The following XRN1 variants were observed in gnomAD, a reference collection of about 807,000 sequenced individuals.
XRN1 encodes the protein strand-exchange protein 1 homolog.
In XRN1, 67 loss-of-function variants were observed where a neutral mutation model predicts 222.3. That is an observed-to-expected ratio of 0.30 (90% confidence interval 0.25 to 0.37). XRN1 has a LOEUF of 0.37. XRN1 is among the 10% of genes least tolerant of loss of function. The pLI, the probability that XRN1 is intolerant of heterozygous loss-of-function variation, is 1.00. For synonymous variants in XRN1, 643 were observed against 652.4 expected, an observed-to-expected ratio of 0.99 and a Z score of 0.22; for missense variants, 1,707 against 2,000.2, an observed-to-expected ratio of 0.85 and a Z score of 2.80.
At chr3:142,361,498 G>GA (rs1048502562) in intron 29 of XRN1, among the ~76,000 whole-genome samples, 7 of 151,986 alleles carry the variant, frequency 4.6e-5, no homozygotes, top group Non-Finnish European at 8.8e-5. Context: ...AATGGGGGGA[G>GA]AAAAAAAGAA....
chr3:142,358,470 A>G (rs1339622908), intron 30 of XRN1, among the ~76,000 whole-genome samples: 1 of 152,206 alleles, frequency 6.6e-6, no homozygotes, highest in Non-Finnish European at 1.5e-5. Flanking sequence ...GTTGCTAGGA[A>G]GTATCTATTT....
chr3:142,392,566 T>C (rs1484694038), intron 20 of XRN1, among the ~76,000 whole-genome samples: 3 of 151,800 alleles, frequency 2.0e-5, no homozygotes, highest in South Asian at 2.1e-4. Flanking sequence ...TGAGTGAGAA[T>C]ATGCGGTGTT....
chr3:142,397,526 T>C (rs1381262759), intron 19 of XRN1, 66 bp from the exon 20 acceptor site: 1 of 1,295,150 alleles, frequency 7.7e-7, no homozygotes, highest in Non-Finnish European at 1.0e-6. Flanking sequence ...TCTAGCAGTG[T>C]GAGTCTTCCA....
intron 10 of XRN1, chr3:142,420,181 T>A (rs1273261851): frequency 1.3e-5 from 2 of 152,098 alleles, no homozygotes; most frequent in Admixed American, 6.6e-5. Flanking sequence ...AATAACAATT[T>A]TTTTTTAATT....
At chr3:142,417,372 C>T (rs937319285) in intron 12 of XRN1, 143 bp from the exon 13 acceptor site, 12 of 638,946 alleles carry the variant, frequency 1.9e-5, no homozygotes, top group Admixed American at 3.1e-5. Context: ...AAATTATAAT[C>T]CTAAAAACTC....
chr3:142,377,623 TGA>T (rs375150868), intron 23 of XRN1, among the ~76,000 whole-genome samples: 7 of 152,184 alleles, frequency 4.6e-5, no homozygotes, highest in African/African-American at 1.7e-4. Context: ...GTACTCCTTT[TGA>T]GAAATAATGG....
chr3:142,385,132 C>T (rs1263828878), intron 20 of XRN1, among the ~76,000 whole-genome samples: 1 of 152,098 alleles, frequency 6.6e-6, no homozygotes, highest in Non-Finnish European at 1.5e-5. Context: ...TCCAACCCCC[C>T]CGGATTGGAA....
chr3:142,399,792 T>C (rs527791760), intron 19 of XRN1, among the ~76,000 whole-genome samples: 74 of 140,242 alleles, frequency 5.3e-4, no homozygotes, highest in African/African-American at 2.0e-3. Context: ...TAAACCTATG[T>C]GTAAATTTAA....
intron 14 of XRN1, among the ~76,000 whole-genome samples, chr3:142,413,331 G>T (rs1335900028): frequency 6.6e-6 from 1 of 152,182 alleles, no homozygotes; most frequent in East Asian, 1.9e-4. Context: ...TGGTCATGCT[G>T]GTTCAGAGTG....
rs2066486014 is a variant in XRN1, at chr3:142,357,126, G to GT, written c.3465-8dup. The GT allele has an allele frequency of 6.3e-7, 1 of 1,599,344 alleles. No individual in the cohort carries two copies. The highest frequency in any genetic ancestry group is 8.5e-7 in the Non-Finnish European group (1 of 1,172,166). ...ACCTCTACCAGGTGAGCATCTAAAA[G>GT]TAAAAGTTATATCAGGGTTGGAAGG... On this transcript the variant is annotated splice_region_variant and splice_polypyrimidine_tract_variant and intron_variant, in intron 30 of 40. Coordinates refer to ENST00000392981, the MANE Select transcript of XRN1 (RefSeq NM_001282857.2).
At chr3:142,388,975 G>A (rs1450520921) in intron 20 of XRN1, among the ~76,000 whole-genome samples, 6 of 152,204 alleles carry the variant, frequency 3.9e-5, no homozygotes, top group Non-Finnish European at 7.3e-5. Context: ...TGGCACGTTG[G>A]GAGGCCAAGG....
At chr3:142,352,468 A>G (rs1226721627) in intron 32 of XRN1, among the ~76,000 whole-genome samples, 1 of 152,154 alleles carries the variant, frequency 6.6e-6, no homozygotes, top group Non-Finnish European at 1.5e-5. Flanking sequence ...TTAAGTTATG[A>G]CATATACACT....
chr3:142,374,708 A>C (rs1248152607), intron 25 of XRN1, among the ~76,000 whole-genome samples: 1 of 152,222 alleles, frequency 6.6e-6, no homozygotes, highest in Admixed American at 6.5e-5. Context: ...AAGAAAAAGT[A>C]GTTTAAACAT....
intron 1 of XRN1, among the ~76,000 whole-genome samples, chr3:142,433,624 GT>G (rs2108171500): frequency 6.6e-6 from 1 of 152,282 alleles, no homozygotes; most frequent in South Asian, 2.1e-4. Context: ...AAAAGTAAAT[GT>G]TTGTGAGGAT....
chr3:142,427,063 C>T (rs2069287532), intron 2 of XRN1, among the ~76,000 whole-genome samples: 1 of 152,152 alleles, frequency 6.6e-6, no homozygotes, highest in Non-Finnish European at 1.5e-5. Flanking sequence ...GGTGCAGTGG[C>T]TCATGCCTGT....
rs2064977691 is a variant in XRN1 at position 142,306,902 on chromosome 3, G to C, written c.*4609C>G. On this transcript the variant is annotated 3_prime_UTR_variant, in exon 41 of 41. Transcript: ENST00000392981. Reference sequence around the variant, plus strand: ...TGAATTTTTAATAAAATACTTCTCTGTATAAGATCTAATGAAAAATTCCAG... The same window carrying C: ...TGAATTTTTAATAAAATACTTCTCTCTATAAGATCTAATGAAAAATTCCAG... The C allele has an allele frequency of 6.6e-6, 1 of 152,560 alleles. No homozygotes were observed. Among genetic ancestry groups the C allele is most frequent in the Admixed American group, 6.5e-5 (1 of 15,272 alleles). 9.5% of individuals were successfully genotyped at this position (152,560 alleles called of 1,614,324 possible). A position where few individuals can be genotyped will look rare whatever the true frequency, so the allele number is the denominator to read the frequency against.
chr3:142,318,498 T>C (rs2065264706), intron 39 of XRN1, 94 bp downstream of exon 39: 2 of 1,155,512 alleles, frequency 1.7e-6, no homozygotes, highest in East Asian at 5.1e-5. Context: ...TCTTCTTACA[T>C]TCCTAGATAT....
At chr3:142,370,436 C>A in intron 27 of XRN1, 49 bp downstream of exon 27, 1 of 1,558,586 alleles carries the variant, frequency 6.4e-7, no homozygotes, top group Non-Finnish European at 8.6e-7. Context: ...AAGTATAGTC[C>A]ATTTAATTCC....
chr3:142,427,120 A>C (rs541632317), intron 2 of XRN1, among the ~76,000 whole-genome samples: 1 of 152,278 alleles, frequency 6.6e-6, no homozygotes, highest in African/African-American at 2.4e-5. Flanking sequence ...AATTGAGTCT[A>C]GGAGTTCAAG....
Sources: gnomAD v4.1 joint callset for allele counts (sites outside exome capture counted in the v4.1 genomes callset) on GRCh38, gnomAD v4.1.1 for gene constraint, MANE v1.5 for transcripts, NCBI Gene and HGNC (gene_info 2026-07-23, HGNC 2026-07-21) for gene names.